The following ARHGEF4 variants were observed in gnomAD, a reference collection of about 807,000 sequenced individuals.
The protein encoded by ARHGEF4 is APC-stimulated guanine nucleotide exchange factor 1.
A neutral mutation model predicts 162.0 loss-of-function variants in ARHGEF4; 119 were observed. That is an observed-to-expected ratio of 0.73 (90% CI 0.63 to 0.86). The LOEUF (loss-of-function observed/expected upper bound fraction) is 0.86. ARHGEF4 is among the 40% of genes least tolerant of loss of function. The pLI is 0.00. For missense variants in ARHGEF4, 2,488 were observed against 2,456.0 expected, an observed-to-expected ratio of 1.01 and a Z score of -0.28; for synonymous variants, 1,014 against 979.9, an observed-to-expected ratio of 1.03 and a Z score of -0.65.
At chr2:130,865,469 G>A (rs1242495746) in intron 1 of ARHGEF4, among the ~76,000 whole-genome samples, 1 of 152,146 alleles carries the variant, frequency 6.6e-6, no homozygotes, top group Non-Finnish European at 1.5e-5. Context: ...ATCCTCTCAG[G>A]TCGTTCCTCC....
chr2:130,970,292 T>C (rs968573703), intron 4 of ARHGEF4, among the ~76,000 whole-genome samples: 3 of 152,130 alleles, frequency 2.0e-5, no homozygotes, highest in African/African-American at 4.8e-5. Flanking sequence ...GCCAGGTTTT[T>C]TAAAAGCCAT....
At chr2:131,011,212 A>G (rs1688427942) in intron 4 of ARHGEF4, among the ~76,000 whole-genome samples, 1 of 152,238 alleles carries the variant, frequency 6.6e-6, no homozygotes, top group Non-Finnish European at 1.5e-5. Flanking sequence ...TCTTGATAGT[A>G]AAACAAAATA....
At chr2:130,913,818 TG>T (rs572313599) in intron 1 of ARHGEF4, among the ~76,000 whole-genome samples, 167 bp from the exon 2 acceptor site, 55 of 152,230 alleles carry the variant, frequency 3.6e-4, no homozygotes, top group Non-Finnish European at 5.7e-4. Flanking sequence ...TTGTTTTCCA[TG>T]TTGATAAAAG....
Position 130,868,182 on chromosome 2 carries a change from C to T in ARHGEF4, c.39+31190C>T, listed in dbSNP as rs1053200752. On this transcript the variant is annotated intron_variant, in intron 1 of 13. Transcript: ENST00000409359. ...CGTCGTGATCCGCCCGCCCCGGCCT[C>T]CCAGAGTGCTGGGATTACAGGAGTG... Among the ~76,000 whole-genome samples, 7 of 152,190 alleles carry T rather than the reference C, an allele frequency of 4.6e-5. No individual in the cohort carries two copies. The East Asian group carries it at 9.7e-4, about 21-fold the overall frequency.
At chr2:131,034,649 C>G (rs931841964) in intron 5 of ARHGEF4, among the ~76,000 whole-genome samples, 1 of 152,202 alleles carries the variant, frequency 6.6e-6, no homozygotes, top group African/African-American at 2.4e-5. Context: ...AGTCCCTGGC[C>G]CATCCCTCCC....
At chr2:130,875,583 A>G (rs1678774812) in intron 1 of ARHGEF4, among the ~76,000 whole-genome samples, 1 of 152,162 alleles carries the variant, frequency 6.6e-6, no homozygotes, top group Non-Finnish European at 1.5e-5. Context: ...CAGTCCTGCA[A>G]GAACTCACTC....
chr2:130,990,385 G>T (rs1204967414), intron 4 of ARHGEF4, among the ~76,000 whole-genome samples: 2 of 152,082 alleles, frequency 1.3e-5, no homozygotes, highest in African/African-American at 4.8e-5. Flanking sequence ...TCCATTATTT[G>T]TCTGTTAAAA....
chr2:131,027,920 G>C lies in ARHGEF4; in HGVS notation c.3986-25G>C, dbSNP rs1480377970. Reference sequence around the variant, plus strand: ...AGCCCTTCCCAGCCCAGCCCCCTTTGCCCAGCTGCTGTCTCTCCTTCCAGC... The same window carrying C: ...AGCCCTTCCCAGCCCAGCCCCCTTTCCCCAGCTGCTGTCTCTCCTTCCAGC... On this transcript the variant is annotated intron_variant, in intron 4 of 13. Transcript: ENST00000409359. The C allele has an allele frequency of 1.9e-6, 3 of 1,612,624 alleles. No homozygotes were observed. The East Asian group carries it at 6.7e-5, about 36-fold the overall frequency.
At chr2:130,952,862 C>T (rs983795482) in intron 4 of ARHGEF4, among the ~76,000 whole-genome samples, 1 of 152,060 alleles carries the variant, frequency 6.6e-6, no homozygotes, top group South Asian at 2.1e-4. Context: ...TGTGAAGGAC[C>T]TCTTCAAGGA....
intron 5 of ARHGEF4, among the ~76,000 whole-genome samples, chr2:131,037,503 G>A (rs1690387920): frequency 1.3e-5 from 2 of 152,050 alleles, no homozygotes; most frequent in African/African-American, 2.4e-5. Flanking sequence ...TCAGAGGAGG[G>A]CCTGTTTGTG....
chr2:131,034,890 C>T (rs1487399776), intron 5 of ARHGEF4: 13 of 792,702 alleles, frequency 1.6e-5, no homozygotes, highest in Non-Finnish European at 2.0e-5. Flanking sequence ...GCCGCCGCCG[C>T]CCCCGCCCGC....
At chr2:130,931,317 C>A in intron 3 of ARHGEF4, 60 bp downstream of exon 3, 1 of 1,476,290 alleles carries the variant, frequency 6.8e-7, no homozygotes, top group Non-Finnish European at 9.0e-7. Context: ...CTCTCTGCAG[C>A]TGCCTGTTGC....
intron 4 of ARHGEF4, among the ~76,000 whole-genome samples, chr2:131,022,463 C>T (rs1441563463): frequency 1.3e-5 from 2 of 152,074 alleles, no homozygotes; most frequent in Non-Finnish European, 2.9e-5. Flanking sequence ...ATGGTATTCT[C>T]ATAATCATTT....
chr2:130,964,735 G>T (rs909122399), intron 4 of ARHGEF4, among the ~76,000 whole-genome samples: 11 of 152,240 alleles, frequency 7.2e-5, no homozygotes, highest in Admixed American at 3.9e-4. Flanking sequence ...GGTCCTGACC[G>T]CAGGACTGCA....
chr2:130,938,624 T>G (rs1369056799), intron 3 of ARHGEF4, among the ~76,000 whole-genome samples: 1 of 152,164 alleles, frequency 6.6e-6, no homozygotes, highest in East Asian at 1.9e-4. Context: ...TTATATATAT[T>G]CATATTCCAG....
chr2:131,039,390 T>C lies in ARHGEF4; in HGVS notation c.4305+358T>C, dbSNP rs1690581936. The C allele has an allele frequency of 2.8e-6, 3 of 1,068,422 alleles. No homozygotes were observed. In the South Asian group the frequency reaches 1.1e-4, roughly 41 times the overall value. 66.2% of individuals were successfully genotyped at this position (1,068,422 alleles called of 1,614,324 possible). A position where few individuals can be genotyped will look rare whatever the true frequency, so the allele number is the denominator to read the frequency against. On this transcript the variant is annotated intron_variant, in intron 6 of 13. Transcript: ENST00000409359. ...CACACAGCCCCGGGAGTGGGAACCA[T>C]GACTTACACCTGAAGAAGTTGAGGC...
At chr2:130,880,698 C>T (rs1679131576) in intron 1 of ARHGEF4, among the ~76,000 whole-genome samples, 2 of 152,154 alleles carry the variant, frequency 1.3e-5, no homozygotes, top group South Asian at 4.1e-4. Context: ...CTGCATCCAG[C>T]TAATTTTTAA....
At chr2:130,969,277 C>T (rs1174028688) in intron 4 of ARHGEF4, among the ~76,000 whole-genome samples, 1 of 152,046 alleles carries the variant, frequency 6.6e-6, no homozygotes, top group African/African-American at 2.4e-5. Flanking sequence ...CTGATATGTA[C>T]CACTTTTGCA....
chr2:131,003,588 G>C (rs1687918557), intron 4 of ARHGEF4, among the ~76,000 whole-genome samples: 2 of 152,278 alleles, frequency 1.3e-5, no homozygotes, highest in African/African-American at 4.8e-5. Flanking sequence ...GTCCATACTT[G>C]CCTGTCAATG....
Sources: gnomAD v4.1 joint callset for allele counts (sites outside exome capture counted in the v4.1 genomes callset) on GRCh38, gnomAD v4.1.1 for gene constraint, MANE v1.5 for transcripts, NCBI Gene and HGNC (gene_info 2026-07-23, HGNC 2026-07-21) for gene names.